KLK4: variants seen among roughly 807,000 people sequenced by gnomAD.
KLK4 encodes the protein kallikrein related peptidase 4.
KLK4 carries 24 observed loss-of-function variants against 24.3 expected under a neutral mutation model. The observed-to-expected ratio is 0.99, with a 90% CI of 0.72 to 1.39. KLK4 has a LOEUF of 1.39. KLK4 is among the 40% of genes most tolerant of loss of function. KLK4 has a pLI of 0.00. For synonymous variants in KLK4, 142 were observed against 138.8 expected, an observed-to-expected ratio of 1.02 and a Z score of -0.16; for missense variants, 344 against 327.4, an observed-to-expected ratio of 1.05 and a Z score of -0.39.
Position 50,910,320 on chromosome 19 carries a change from AC to A in KLK4, c.61+357del, listed in dbSNP as rs2090476785. 6.6e-6 allele frequency among the ~76,000 whole-genome samples: 1 copy of A among 151,940 alleles called. No homozygotes were observed. Among genetic ancestry groups the A allele is most frequent in the Non-Finnish European group, 1.5e-5 (1 of 67,968 alleles). On this transcript the variant is annotated intron_variant, in intron 2 of 5. Coordinates refer to ENST00000324041, the Ensembl canonical transcript of KLK4. This position sits in a 1 kb window ranked among gnomAD's most constrained non-coding sequence, Gnocchi z 4.4. ...GGAGAGGGGGATCTCAGGACTGAAG[AC>A]CCAGGAAGCAGGCACAGATTCCCAG...
intron 1 of KLK4, among the ~76,000 whole-genome samples, chr19:50,911,069 GAC>G (rs1191070993): frequency 6.6e-6 from 1 of 152,190 alleles, no homozygotes; most frequent in Non-Finnish European, 1.5e-5. Flanking sequence ...ATGGAGGGAA[GAC>G]ACACAGAGAA....
rs1010191213 is a variant in KLK4 at position 50,910,293 on chromosome 19, T to C, written c.61+385A>G. Among the ~76,000 whole-genome samples the C allele has an allele frequency of 6.6e-6, 1 of 151,970 alleles. No individual in the cohort carries two copies. Among genetic ancestry groups the C allele is most frequent in the African/African-American group, 2.4e-5 (1 of 41,364 alleles). ...TCCTGTGAGGTGAGTTCCTTGGGGA[T>C]GGGAGAGGGGGATCTCAGGACTGAA... On this transcript the variant is annotated intron_variant, in intron 2 of 5. Transcript: ENST00000324041. The surrounding 1 kb of genome is among the most constrained non-coding windows in gnomAD (Gnocchi z 4.4).
chr19:50,909,593 C>G (rs541365463), intron 2 of KLK4, among the ~76,000 whole-genome samples, 179 bp from the exon 3 acceptor site: 2 of 136,026 alleles, frequency 1.5e-5, no homozygotes, highest in Non-Finnish European at 3.1e-5. Context: ...GAGGGGTTAC[C>G]GAGCAGGGGC....
At chr19:50,909,303 C>A in exon 3 of KLK4, 3 of 1,614,234 alleles carry the variant, frequency 1.9e-6, no homozygotes, top group Non-Finnish European at 2.5e-6. Flanking sequence ...CACCAGGACG[C>A]CCGAGCAGAA....
chr19:50,910,541 C>T lies in KLK4; in HGVS notation c.61+137G>A. 2 of 807,754 alleles carry T rather than the reference C, an allele frequency of 2.5e-6. No individual in the cohort carries two copies. Among genetic ancestry groups the T allele is most frequent in the South Asian group, 1.5e-5 (1 of 68,714 alleles). 50.0% of individuals were successfully genotyped at this position (807,754 alleles called of 1,614,324 possible). The stretch of plus-strand genomic sequence containing the variant: ...ATACAAGGAGTTGCAGGGGCACAGC[C>T]ATGGGGGACGGATAACACGGTACCG... On this transcript the variant is annotated intron_variant, in intron 2 of 5. Transcript: ENST00000324041. The surrounding 1 kb of genome is among the most constrained non-coding windows in gnomAD (Gnocchi z 4.4).
exon 3 of KLK4, chr19:50,909,404 G>A: frequency 6.2e-7 from 1 of 1,614,142 alleles, no homozygotes; most frequent in Non-Finnish European, 8.5e-7. Context: ...AGCTACCAGA[G>A]ACGAGCGATC....
chr19:50,906,981 G>C, exon 6 of KLK4: 1 of 1,614,184 alleles, frequency 6.2e-7, no homozygotes, highest in Non-Finnish European at 8.5e-7. Flanking sequence ...AATTTGCAGA[G>C]GTTGGTGTAG....
chr19:50,908,808 G>A lies in KLK4; in HGVS notation c.246C>T (p.Gly82=), dbSNP rs769168084. The change falls in exon 4 of 6, where the codon GGC becomes GGT. Residue 82 remains glycine (G), a synonymous_variant. Transcript: ENST00000324041. Reference sequence around the variant, plus strand: ...CTTGGTCGGCCTCAAGACTGTGCAGGCCCAGCCCGATGGTGTAGGAGCTGT... The same window carrying A: ...CTTGGTCGGCCTCAAGACTGTGCAGACCCAGCCCGATGGTGTAGGAGCTGT... The A allele has an allele frequency of 3.7e-6, 6 of 1,613,136 alleles. 1 individual carries two copies. The highest frequency in any genetic ancestry group is 3.3e-4 in the Middle Eastern group (2 of 6,062).
chr19:50,909,476 G>C, intron 2 of KLK4, 62 bp from the exon 3 acceptor site: 1 of 1,571,204 alleles, frequency 6.4e-7, no homozygotes, highest in Non-Finnish European at 8.7e-7. Flanking sequence ...CCTGGGGGTG[G>C]GCTTACCGAG....
At chr19:50,908,817 G>T in exon 4 of KLK4, 1 of 1,612,264 alleles carries the variant, frequency 6.2e-7, no homozygotes. Context: ...GGCCCAGCCC[G>T]ATGGTGTAGG....
chr19:50,908,163 T>C, intron 5 of KLK4, 196 bp downstream of exon 5: 1 of 684,918 alleles, frequency 1.5e-6, no homozygotes, highest in South Asian at 1.8e-5. Context: ...CCATGTCTGT[T>C]TCTGTTTCTC....
exon 3 of KLK4, chr19:50,909,358 G>A: frequency 2.5e-6 from 4 of 1,614,206 alleles, no homozygotes; most frequent in Non-Finnish European, 3.4e-6. Flanking sequence ...GGCTGCGAGT[G>A]CGGGCTGCAG....
chr19:50,907,873 G>A, intron 5 of KLK4: 1 of 242,864 alleles, frequency 4.1e-6, no homozygotes, highest in South Asian at 5.8e-5. Context: ...AAAAATTTTA[G>A]GAGAGTTGCA....
exon 3 of KLK4, chr19:50,909,366 C>A: frequency 6.2e-7 from 1 of 1,614,216 alleles, no homozygotes; most frequent in Non-Finnish European, 8.5e-7. Context: ...GTGCGGGCTG[C>A]AGTCCTCGCC....
intron 2 of KLK4, among the ~76,000 whole-genome samples, chr19:50,909,891 C>T (rs1385018899): frequency 6.6e-6 from 1 of 150,868 alleles, no homozygotes; most frequent in East Asian, 2.0e-4. Context: ...GGGGTTACAG[C>T]GCAGGGGCGC....
In KLK4 at chr19:50,910,961, A is replaced by C. The variant is rs2090483593; in HGVS notation, c.-11-212T>G. 1.1e-4 allele frequency among the ~76,000 whole-genome samples: 1 copy of C among 9,214 alleles called. No individual in the cohort carries two copies. The highest frequency in any genetic ancestry group is 5.8e-4 in the Non-Finnish European group (1 of 1,738). The allele number at this position is 9,214 out of a possible 152,430, so 6.0% of individuals were successfully genotyped here. ...AAAAGAGAGAGAGAGATGGGAAAAGAGAGAGAGAGAGAGAACTAGGTAGAA... is the reference window on the plus strand; with the variant it reads ...AAAAGAGAGAGAGAGATGGGAAAAGCGAGAGAGAGAGAGAACTAGGTAGAA... On this transcript the variant is annotated intron_variant, in intron 1 of 5. Coordinates refer to ENST00000324041, the Ensembl canonical transcript of KLK4. The surrounding 1 kb of genome is among the most constrained non-coding windows in gnomAD (Gnocchi z 4.4).
rs2090465088 is a variant in KLK4 at position 50,909,352 on chromosome 19, G to A, written c.124C>T (p.Gln42Ter). Reference sequence around the variant, plus strand: ...ATGACCAGTGCCGCCTGCCAGGGCTGCGAGTGCGGGCTGCAGTCCTCGCCG... The same window carrying A: ...ATGACCAGTGCCGCCTGCCAGGGCTACGAGTGCGGGCTGCAGTCCTCGCCG... The change falls in exon 3 of 6, where the codon CAG (glutamine) becomes TAG (stop). Residue 42 changes from glutamine to a stop codon, truncating the protein, a stop_gained. Transcript: ENST00000324041. LOFTEE classifies it high-confidence loss of function. The A allele has an allele frequency of 1.2e-6, 2 of 1,614,124 alleles. No homozygotes were observed. The highest frequency in any genetic ancestry group is 2.2e-5 in the South Asian group (2 of 91,092).
rs1568514935 is a variant in KLK4 at position 50,909,316 on chromosome 19, AT to A, written c.159del (p.Glu53AspfsTer116). 1 of 1,614,146 alleles carries A rather than the reference AT, an allele frequency of 6.2e-7. No individual in the cohort carries two copies. The highest frequency in any genetic ancestry group is 8.5e-7 in the Non-Finnish European group (1 of 1,180,020). Reference sequence around the variant, plus strand: ...TGCACCAGGACGCCCGAGCAGAACAATTCGTTTTCCATGACCAGTGCCGCCT... The same window carrying A: ...TGCACCAGGACGCCCGAGCAGAACAATCGTTTTCCATGACCAGTGCCGCCT... On this transcript the variant is annotated frameshift_variant, in exon 3 of 6. Transcript: ENST00000324041. LOFTEE classifies it high-confidence loss of function.
exon 6 of KLK4, chr19:50,907,009 T>G: frequency 6.2e-7 from 1 of 1,614,154 alleles, no homozygotes; most frequent in Non-Finnish European, 8.5e-7. Flanking sequence ...GCACGCCAAC[T>G]TGGCCACACG....
Sources: gnomAD v4.1 joint callset for allele counts (sites outside exome capture counted in the v4.1 genomes callset) on GRCh38, gnomAD v4.1.1 for gene constraint, Gnocchi (gnomAD v3.1) non-coding constraint, MANE v1.5 for transcripts, NCBI Gene and HGNC (gene_info 2026-07-23, HGNC 2026-07-21) for gene names.